Variants in ERGIC1 observed in about 807,000 individuals in gnomAD.
ERGIC1 encodes the protein endoplasmic reticulum-golgi intermediate compartment 1, also known as endoplasmic reticulum-Golgi intermediate compartment protein 1.
ERGIC1 carries 19 observed loss-of-function variants against 38.3 expected under a neutral mutation model. The ratio of observed to expected loss-of-function variants is 0.50; its 90% CI spans 0.35 to 0.73. The LOEUF (loss-of-function observed/expected upper bound fraction) is 0.73. ERGIC1 is among the 30% of genes least tolerant of loss of function. ERGIC1 has a pLI of 0.01. For synonymous variants in ERGIC1, 124 were observed against 157.6 expected, an observed-to-expected ratio of 0.79 and a Z score of 1.60; for missense variants, 294 against 389.2, an observed-to-expected ratio of 0.76 and a Z score of 2.06.
At chr5:172,836,919 C>G (rs7728629) in intron 1 of ERGIC1, among the ~76,000 whole-genome samples, 34,096 of 152,126 alleles carry the variant, frequency 0.22, 4,181 homozygotes, top group East Asian at 0.38. Context: ...AGTAGAAGCC[C>G]TTTGCTCTGG....
At chr5:172,918,584 G>C (rs564892985) in intron 5 of ERGIC1, among the ~76,000 whole-genome samples, 1 of 152,360 alleles carries the variant, frequency 6.6e-6, no homozygotes, top group East Asian at 1.9e-4. Flanking sequence ...CAGGGCTGGC[G>C]CTACCAGGCT....
intron 9 of ERGIC1, among the ~76,000 whole-genome samples, chr5:172,945,737 T>C (rs1327275903): frequency 1.3e-5 from 2 of 152,126 alleles, no homozygotes; most frequent in Non-Finnish European, 2.9e-5. Flanking sequence ...TCGCCTGGAG[T>C]GCAGTGGCTG....
chr5:172,935,383 C>A, intron 9 of ERGIC1, 73 bp downstream of exon 9: 1 of 1,597,998 alleles, frequency 6.3e-7, no homozygotes, highest in Non-Finnish European at 8.6e-7. Flanking sequence ...CTTTCCTTGG[C>A]ACCCCTCACC....
intron 5 of ERGIC1, 23 bp from the exon 6 acceptor site, chr5:172,923,982 T>C: frequency 1.2e-6 from 2 of 1,611,990 alleles, no homozygotes; most frequent in Non-Finnish European, 1.7e-6. Flanking sequence ...ACCAAACTCC[T>C]GAAACTCACA....
chr5:172,866,562 G>A (rs1257867051), intron 1 of ERGIC1, among the ~76,000 whole-genome samples: 1 of 152,204 alleles, frequency 6.6e-6, no homozygotes, highest in Non-Finnish European at 1.5e-5. Context: ...GGGGCCAGGC[G>A]CTGTGCTAAG....
chr5:172,883,711 G>A (rs1452479156), intron 1 of ERGIC1, among the ~76,000 whole-genome samples: 1 of 152,228 alleles, frequency 6.6e-6, no homozygotes, highest in Non-Finnish European at 1.5e-5. Flanking sequence ...GCCAGGCACA[G>A]TGGCTCATGC....
At chr5:172,887,290 C>T (rs938390127) in intron 1 of ERGIC1, among the ~76,000 whole-genome samples, 2 of 152,180 alleles carry the variant, frequency 1.3e-5, no homozygotes, top group Non-Finnish European at 2.9e-5. Flanking sequence ...GCTGGGATGC[C>T]GTGTGGACTA....
intron 1 of ERGIC1, among the ~76,000 whole-genome samples, chr5:172,873,938 A>G (rs79499191): frequency 0.011 from 1,604 of 152,262 alleles, 20 homozygotes; most frequent in African/African-American, 0.036. Context: ...TTGAAGTTAG[A>G]TATAAACACA....
rs1763866629 is a variant in ERGIC1, at chr5:172,935,312, T to G, written c.765+2T>G. ...CCGCTGTACAGATTCATCACCACGG[T>G]GAGTGGCCTGGGGCAGTGGGTGGGG... On this transcript the variant is annotated splice_donor_variant, in intron 9 of 9. Transcript: ENST00000393784. LOFTEE classifies it high-confidence loss of function. 1.9e-6 allele frequency: 3 copies of G among 1,613,930 alleles called. No homozygotes were observed. Among genetic ancestry groups the G allele is most frequent in the East Asian group, 2.2e-5 (1 of 44,872 alleles).
chr5:172,943,548 G>A (rs1342276676), intron 9 of ERGIC1, among the ~76,000 whole-genome samples: 1 of 152,152 alleles, frequency 6.6e-6, no homozygotes, highest in African/African-American at 2.4e-5. Flanking sequence ...TGACTGAACG[G>A]GGAAAGTGAC....
In ERGIC1 at chr5:172,950,963, G is replaced by A. The variant is rs1292752740; in HGVS notation, c.*147G>A. 1.9e-5 allele frequency: 11 copies of A among 593,564 alleles called. No homozygotes were observed. Among genetic ancestry groups the A allele is most frequent in the Middle Eastern group, 4.5e-4 (1 of 2,200 alleles). 36.8% of individuals were successfully genotyped at this position (593,564 alleles called of 1,614,324 possible). A position where few individuals can be genotyped will look rare whatever the true frequency, so the allele number is the denominator to read the frequency against. On this transcript the variant is annotated 3_prime_UTR_variant, in exon 10 of 10. Coordinates refer to ENST00000393784, the MANE Select transcript of ERGIC1 (RefSeq NM_001031711.3). Reference sequence around the variant, plus strand: ...GTGGGGGGAAAGTAGAGGATGGCTCGATGTTTTGCAGCTACCTCTTTTCCC... The same window carrying A: ...GTGGGGGGAAAGTAGAGGATGGCTCAATGTTTTGCAGCTACCTCTTTTCCC...
rs1467080760 is a variant in ERGIC1, at chr5:172,935,491, C to T, written c.765+181C>T. 7.1e-6 allele frequency: 5 copies of T among 702,918 alleles called. No individual in the cohort carries two copies. The East Asian group carries it at 1.1e-4, about 15-fold the overall frequency. 43.5% of individuals were successfully genotyped at this position (702,918 alleles called of 1,614,324 possible). A position where few individuals can be genotyped will look rare whatever the true frequency, so the allele number is the denominator to read the frequency against. ...GGATGCTGAGAAATGTTGTCAGAAA[C>T]ACATCAGTATCGATGACGTTTTGTC... On this transcript the variant is annotated intron_variant, in intron 9 of 9. Transcript: ENST00000393784.
At chr5:172,867,062 G>A (rs1761885036) in intron 1 of ERGIC1, 1 of 424,690 alleles carries the variant, frequency 2.4e-6, no homozygotes, top group Non-Finnish European at 4.8e-6. Flanking sequence ...TGATGCAGAT[G>A]GAGAGCAGTG....
At chr5:172,947,876 T>TTGTGTGTG (rs10566172) in intron 9 of ERGIC1, among the ~76,000 whole-genome samples, 1,957 of 145,806 alleles carry the variant, frequency 0.013, 29 homozygotes, top group South Asian at 0.044. Context: ...CAGATGTGTT[T>TTGTGTGTG]TGTGTGTGTG....
chr5:172,866,515 C>T (rs1402813892), intron 1 of ERGIC1, among the ~76,000 whole-genome samples: 3 of 152,226 alleles, frequency 2.0e-5, no homozygotes, highest in Non-Finnish European at 4.4e-5. Flanking sequence ...GTACCCTACA[C>T]CCTGCAGCTG....
intron 5 of ERGIC1, chr5:172,922,513 T>A (rs2113447821): frequency 6.6e-6 from 1 of 152,546 alleles, no homozygotes; most frequent in African/African-American, 2.4e-5. Context: ...TTTGCACAGG[T>A]GGACGTGGAG....
intron 9 of ERGIC1, among the ~76,000 whole-genome samples, chr5:172,943,310 C>T (rs2113486837): frequency 1.3e-5 from 2 of 152,084 alleles, no homozygotes. Flanking sequence ...GCCCCCGGAG[C>T]TCTGGAAGGC....
Position 172,926,573 on chromosome 5 carries a change from T to C in ERGIC1, c.541+4T>C. ...GCAGACAGACTCACCTCCAACCGTA[T>C]GTATCCCTGCTGGGAACAGCCTTCT... On this transcript the variant is annotated splice_donor_region_variant and intron_variant, in intron 7 of 9. Coordinates refer to ENST00000393784, the MANE Select transcript of ERGIC1 (RefSeq NM_001031711.3). This position sits in a 1 kb window ranked among gnomAD's most constrained non-coding sequence, Gnocchi z 5.2. 1 of 1,611,990 alleles carries C rather than the reference T, an allele frequency of 6.2e-7. No homozygotes were observed. Among genetic ancestry groups the C allele is most frequent in the Non-Finnish European group, 8.5e-7 (1 of 1,179,984 alleles).
intron 6 of ERGIC1, 133 bp downstream of exon 6, chr5:172,924,242 G>A (rs892777875): frequency 3.1e-5 from 26 of 848,286 alleles, no homozygotes; most frequent in Middle Eastern, 3.2e-4. Flanking sequence ...GCCTGGAAGG[G>A]TAAGAAGGGT....
Sources: gnomAD v4.1 joint callset for allele counts (sites outside exome capture counted in the v4.1 genomes callset) on GRCh38, gnomAD v4.1.1 for gene constraint, Gnocchi (gnomAD v3.1) non-coding constraint, MANE v1.5 for transcripts, NCBI Gene and HGNC (gene_info 2026-07-23, HGNC 2026-07-21) for gene names.